Variants in ADGRE2 observed in about 807,000 individuals in gnomAD.
ADGRE2 encodes the protein adhesion G protein-coupled receptor E2.
In ADGRE2, 83 loss-of-function variants were observed where a neutral mutation model predicts 100.8. The observed-to-expected ratio is 0.82, with a 90% CI of 0.69 to 0.99. The LOEUF (loss-of-function observed/expected upper bound fraction) is 0.99, where lower values mean the gene tolerates loss of function less well. Among genes scored for constraint, ADGRE2 ranks in the 50% least tolerant of loss-of-function variants. ADGRE2 has a pLI of 0.00. For synonymous variants in ADGRE2, 355 were observed against 413.0 expected, an observed-to-expected ratio of 0.86 and a Z score of 1.70; for missense variants, 814 against 1,035.7, an observed-to-expected ratio of 0.79 and a Z score of 2.94.
At chr19:14,760,399 G>A (rs2043674364) in intron 11 of ADGRE2, among the ~76,000 whole-genome samples, 1 of 152,160 alleles carries the variant, frequency 6.6e-6, no homozygotes, top group Admixed American at 6.6e-5. Context: ...TGCTGAAGGT[G>A]TGGAGAGGAT....
rs1422462198 is a variant in ADGRE2, at chr19:14,756,244, C to T, written c.1186G>A (p.Asp396Asn). 6.2e-7 allele frequency: 1 copy of T among 1,612,666 alleles called. No individual in the cohort carries two copies. Among genetic ancestry groups the T allele is most frequent in the Admixed American group, 1.7e-5 (1 of 59,978 alleles). Reference sequence around the variant, plus strand: ...TCCCCATCTCAGCCATTACCTGGGTCACCAGATTTCTGTGCCTGATTCCAG... The same window carrying T: ...TCCCCATCTCAGCCATTACCTGGGTTACCAGATTTCTGTGCCTGATTCCAG... ...LDWNQAQKSG[D>N]PGPSVVGLVS... Residue 396 changes from aspartate to asparagine, a missense_variant, in exon 12 of 21, where the codon GAC becomes AAC. Around this residue, in one of 5 missense-constraint regions of ADGRE2, gnomAD observed 569 missense variants for 692.7 expected, o/e 0.82. Coordinates refer to ENST00000315576, the MANE Select transcript of ADGRE2 (RefSeq NM_013447.4).
the ADGRE2 span, among the ~76,000 whole-genome samples, chr19:14,725,948 G>A: frequency 6.6e-6 from 1 of 152,168 alleles, no homozygotes; most frequent in African/African-American, 2.4e-5. Flanking sequence ...GATTCTTGTG[G>A]GGGTACGGGG....
At chr19:14,768,597 G>A (rs1196340549) in intron 5 of ADGRE2, among the ~76,000 whole-genome samples, 1 of 152,144 alleles carries the variant, frequency 6.6e-6, no homozygotes, top group African/African-American at 2.4e-5. Context: ...TTGGAGCAAT[G>A]GCCCTGATGT....
rs1275490867 is a variant in ADGRE2 at position 14,732,637 on chromosome 19, A to G, written c.*3599T>C. 6.6e-6 allele frequency: 1 copy of G among 152,242 alleles called. No individual in the cohort carries two copies. 9.4% of individuals were successfully genotyped at this position (152,242 alleles called of 1,614,324 possible). ...TAAGAATAGTTTTTACATTTTTCAA[A>G]TGGGTGAAAACAAATAAAAAGAAGA... is the stretch of plus-strand genomic sequence containing the variant. On this transcript the variant is annotated 3_prime_UTR_variant, in exon 21 of 21. Transcript: ENST00000315576.
In ADGRE2 at chr19:14,734,830, T is replaced by C. The variant is rs377009078; in HGVS notation, c.*1406A>G. The C allele has an allele frequency of 3.3e-5, 5 of 152,318 alleles. No individual in the cohort carries two copies. Among genetic ancestry groups the C allele is most frequent in the African/African-American group, 1.2e-4 (5 of 41,572 alleles). The allele number at this position is 152,318 out of a possible 1,614,324, so 9.4% of individuals were successfully genotyped here. On this transcript the variant is annotated 3_prime_UTR_variant, in exon 21 of 21. Transcript: ENST00000315576. ...GGGAAATCTGACCCTCGTCATAGTG[T>C]ACCAGATTTTATAGACAGGCTTGAG...
chr19:14,771,862 A>G (rs1193510483), intron 5 of ADGRE2: 2 of 155,710 alleles, frequency 1.3e-5, no homozygotes, highest in African/African-American at 4.8e-5. Context: ...GATAGTCTCG[A>G]TCTCCTGACC....
the ADGRE2 span, among the ~76,000 whole-genome samples, chr19:14,727,094 C>T: frequency 4.1e-5 from 5 of 123,038 alleles, no homozygotes; most frequent in South Asian, 1.4e-3. Flanking sequence ...GTGGCGCAAT[C>T]TTGGCTCACT....
chr19:14,746,214 C>T lies in ADGRE2; in HGVS notation c.2183+18G>A, dbSNP rs770666070. ...ACCATACATGTCTGTGTGGTTATCACCCCCTTCTCCATCTTACCTTGTGTT... is the reference window on the plus strand; with the variant it reads ...ACCATACATGTCTGTGTGGTTATCATCCCCTTCTCCATCTTACCTTGTGTT... On this transcript the variant is annotated intron_variant, in intron 18 of 20. Transcript: ENST00000315576. 1.3e-5 allele frequency: 19 copies of T among 1,451,816 alleles called. No homozygotes were observed. The highest frequency in any genetic ancestry group is 1.7e-5 in the Non-Finnish European group (18 of 1,035,768). The allele number at this position is 1,451,816 out of a possible 1,614,324, so 89.9% of individuals were successfully genotyped here.
At chr19:14,775,330 G>C (rs2044396535) in intron 2 of ADGRE2, among the ~76,000 whole-genome samples, 1 of 151,614 alleles carries the variant, frequency 6.6e-6, no homozygotes, top group African/African-American at 2.4e-5. Context: ...AATTTAAAAA[G>C]TTATTTTAGA....
the ADGRE2 span, among the ~76,000 whole-genome samples, chr19:14,727,227 A>G: frequency 6.6e-6 from 1 of 151,904 alleles, no homozygotes; most frequent in Admixed American, 6.6e-5. Flanking sequence ...ACAGGGTTTC[A>G]CCGTGCTAGC....
chr19:14,761,499 G>A (rs545869895), intron 11 of ADGRE2, among the ~76,000 whole-genome samples: 2 of 152,182 alleles, frequency 1.3e-5, no homozygotes, highest in Admixed American at 6.5e-5. Flanking sequence ...GGCAGAGAGT[G>A]TGGGTAAGGA....
chr19:14,725,390 CA>C, the ADGRE2 span, among the ~76,000 whole-genome samples: 1 of 152,178 alleles, frequency 6.6e-6, no homozygotes, highest in African/African-American at 2.4e-5. Context: ...CCTTAAATCT[CA>C]ATACCTTCTC....
intron 20 of ADGRE2, chr19:14,742,111 C>T: frequency 2.5e-6 from 1 of 398,638 alleles, no homozygotes. Flanking sequence ...AGCATTTAAA[C>T]TGAGATCATT....
chr19:14,759,503 A>ATACATT (rs60789454), intron 11 of ADGRE2, among the ~76,000 whole-genome samples: 1 of 133,380 alleles, frequency 7.5e-6, no homozygotes, highest in Non-Finnish European at 1.5e-5. Flanking sequence ...ATATATATAT[A>ATACATT]TTTTTTTTTT....
At chr19:14,738,946 C>T (rs1464566528) in intron 20 of ADGRE2, among the ~76,000 whole-genome samples, 2 of 150,582 alleles carry the variant, frequency 1.3e-5, no homozygotes, top group Non-Finnish European at 2.9e-5. Context: ...GAGCAAGACA[C>T]ACATTTTCTT....
At chr19:14,729,986 TTGGCTAAAATGAC>T (rs1568567707), downstream of ADGRE2, among the ~76,000 whole-genome samples, 1 of 152,208 alleles carries the variant, frequency 6.6e-6, no homozygotes, top group Non-Finnish European at 1.5e-5. Context: ...GAGAAAGATT[TTGGCTAAAATGAC>T]TACTTTAGCC....
rs2043286968 is a variant in ADGRE2 at position 14,751,632 on chromosome 19, A to G, written c.1828T>C (p.Tyr610His). The stretch of plus-strand genomic sequence containing the variant: ...AGCATCCAGGTCAAGGTGGCCAGGT[A>G]GAGATAGTGCAAGGTACCGGCGATG... ...SIIAGTLHYL[Y>H]LATLTWMLLE... Residue 610 changes from tyrosine to histidine, a missense_variant, in exon 16 of 21, where the codon TAC becomes CAC. Transcript: ENST00000315576. 1 of 1,613,930 alleles carries G rather than the reference A, an allele frequency of 6.2e-7. No individual in the cohort carries two copies. The highest frequency in any genetic ancestry group is 8.5e-7 in the Non-Finnish European group (1 of 1,179,962).
intron 20 of ADGRE2, among the ~76,000 whole-genome samples, chr19:14,737,071 T>C (rs2042780010): frequency 6.6e-6 from 1 of 150,910 alleles, no homozygotes; most frequent in Admixed American, 6.6e-5. Flanking sequence ...ATTAATTTGC[T>C]TCACATATAG....
At chr19:14,760,991 A>G (rs866062943) in intron 11 of ADGRE2, among the ~76,000 whole-genome samples, 2 of 152,146 alleles carry the variant, frequency 1.3e-5, no homozygotes, top group Non-Finnish European at 2.9e-5. Context: ...AAATCTACCT[A>G]TAATCTGGAA....
Sources: gnomAD v4.1 joint callset for allele counts (sites outside exome capture counted in the v4.1 genomes callset) on GRCh38, gnomAD v4.1.1 for gene constraint, gnomAD v4.1.1 regional missense constraint, MANE v1.5 for transcripts, NCBI Gene and HGNC (gene_info 2026-07-23, HGNC 2026-07-21) for gene names.